P2RY8: variants seen among roughly 807,000 people sequenced by gnomAD.
P2RY8 encodes the protein S-geranylgeranyl-glutathione receptor P2RY8.
In P2RY8, 6 loss-of-function variants were observed where a neutral mutation model predicts 10.0. The observed-to-expected ratio is 0.60, with a 90% CI of 0.33 to 1.19. The LOEUF is 1.19. P2RY8 is among the 50% of genes most tolerant of loss of function. P2RY8 has a pLI of 0.04. For missense variants in P2RY8, 456 were observed against 542.0 expected, an observed-to-expected ratio of 0.84 and a Z score of 1.58; for synonymous variants, 276 against 252.5, an observed-to-expected ratio of 1.09 and a Z score of -0.88.
chrX:1,486,264 C>T lies in P2RY8; in HGVS notation c.-24-19682G>A, dbSNP rs187762478. On this transcript the variant is annotated intron_variant, in intron 1 of 1. Transcript: ENST00000381297. ...GCACCCATAAAAACTTGCATATGAACGTTCCCTGCAGCACTCTTCACAACA... is the reference window on the plus strand; with the variant it reads ...GCACCCATAAAAACTTGCATATGAATGTTCCCTGCAGCACTCTTCACAACA... Among the ~76,000 whole-genome samples the T allele has an allele frequency of 7.9e-5, 12 of 152,170 alleles. No individual in the cohort carries two copies. In the East Asian group the frequency reaches 9.6e-4, roughly 12 times the overall value.
intron 1 of P2RY8, among the ~76,000 whole-genome samples, chrX:1,478,492 T>A (rs2091901395): frequency 6.6e-6 from 1 of 151,910 alleles, no homozygotes; most frequent in African/African-American, 2.4e-5. Context: ...TTTATTTATT[T>A]TTTTGAGACA....
chrX:1,507,378 C>G (rs4073116), intron 1 of P2RY8, among the ~76,000 whole-genome samples: 47,635 of 151,854 alleles, frequency 0.31, 8,904 homozygotes, highest in Middle Eastern at 0.54. Flanking sequence ...CTTCCTGAGT[C>G]CTGGAAATAG....
intron 1 of P2RY8, among the ~76,000 whole-genome samples, chrX:1,536,710 G>T (rs1305100269): frequency 6.6e-6 from 1 of 152,162 alleles, no homozygotes; most frequent in Non-Finnish European, 1.5e-5. Context: ...TGGAAAATTT[G>T]AGCATTTCTC....
In P2RY8 at chrX:1,465,319, G is replaced by A; in HGVS notation, c.*160C>T. The A allele has an allele frequency of 8.2e-7, 1 of 1,220,230 alleles. No homozygotes were observed. Among genetic ancestry groups the A allele is most frequent in the Non-Finnish European group, 1.1e-6 (1 of 897,498 alleles). 75.6% of individuals were successfully genotyped at this position (1,220,230 alleles called of 1,614,324 possible). On this transcript the variant is annotated 3_prime_UTR_variant, in exon 2 of 2. Coordinates refer to ENST00000381297, the MANE Select transcript of P2RY8 (RefSeq NM_178129.5). ...CCTTCCTCACCGGTGCCTCTGCAGT[G>A]CCTGGGAGGAATAAAGCCTGGAGAC...
chrX:1,466,338 C>G lies in P2RY8; in HGVS notation c.221G>C (p.Ser74Thr). 6.2e-7 allele frequency: 1 copy of G among 1,613,858 alleles called. No homozygotes were observed. Among genetic ancestry groups the G allele is most frequent in the East Asian group, 2.2e-5 (1 of 44,884 alleles). ...NLSVTDLMLASVLPFQIYYHC... is the reference protein window; with the variant it reads ...NLSVTDLMLATVLPFQIYYHC... ...GTAGTAGATTTGGAAAGGCAACACG[C>G]TGGCCAGCATCAGGTCCGTGACGCT... Residue 74 changes from serine (S) to threonine (T), a missense_variant, in exon 2 of 2, where the codon AGC becomes ACC. Coordinates refer to ENST00000381297, the MANE Select transcript of P2RY8 (RefSeq NM_178129.5).
At chrX:1,471,445 C>T (rs1455552076) in intron 1 of P2RY8, among the ~76,000 whole-genome samples, 15 of 143,640 alleles carry the variant, frequency 1.0e-4, no homozygotes, top group Non-Finnish European at 1.7e-4. Flanking sequence ...ATTACAGGCA[C>T]GAGCCATCAC....
intron 1 of P2RY8, among the ~76,000 whole-genome samples, chrX:1,481,535 G>A (rs1489000739): frequency 2.0e-4 from 30 of 152,058 alleles, no homozygotes; most frequent in Non-Finnish European, 3.1e-4. Flanking sequence ...CCCAGCTTTG[G>A]GTTTAAGGAG....
At chrX:1,535,569 A>G (rs1267985459) in intron 1 of P2RY8, among the ~76,000 whole-genome samples, 1 of 151,894 alleles carries the variant, frequency 6.6e-6, no homozygotes, top group Admixed American at 6.6e-5. Context: ...GAGAGATTGA[A>G]CGGCGCAGTC....
rs777556134 is a variant in P2RY8 at position 1,496,459 on chromosome X, C to T, written c.-24-29877G>A. On this transcript the variant is annotated intron_variant, in intron 1 of 1. Transcript: ENST00000381297. ...ACTCCCTGGGATCCTGCCCTCTGCC[C>T]TCTCAGAGGGTTTCTCTCTCTCTCC... 1.1e-4 allele frequency among the ~76,000 whole-genome samples: 17 copies of T among 152,260 alleles called. No homozygotes were observed. In the East Asian group the frequency reaches 3.1e-3, roughly 28 times the overall value.
At chrX:1,501,466 A>G (rs1303088690) in intron 1 of P2RY8, among the ~76,000 whole-genome samples, 3 of 151,942 alleles carry the variant, frequency 2.0e-5, no homozygotes, top group Non-Finnish European at 4.4e-5. Flanking sequence ...GCCTGAACCG[A>G]TCCTCCCACC....
chrX:1,491,972 C>A (rs760682857), intron 1 of P2RY8, among the ~76,000 whole-genome samples: 40 of 152,298 alleles, frequency 2.6e-4, no homozygotes, highest in Non-Finnish European at 5.3e-4. Flanking sequence ...GCAGTGTGGA[C>A]GTTAGCCCCA....
Position 1,519,079 on chromosome X carries a change from A to G in P2RY8, c.-25+17842T>C, listed in dbSNP as rs779776426. Among the ~76,000 whole-genome samples, 5 of 151,286 alleles carry G rather than the reference A, an allele frequency of 3.3e-5. No homozygotes were observed. The East Asian group carries it at 9.8e-4, about 30-fold the overall frequency. ...GATCCCCAATATTCCTCTGGTCCCC[A>G]ATAATCTTTCGGCTCCCCAATATTC... On this transcript the variant is annotated intron_variant, in intron 1 of 1. Coordinates refer to ENST00000381297, the MANE Select transcript of P2RY8 (RefSeq NM_178129.5).
intron 1 of P2RY8, among the ~76,000 whole-genome samples, chrX:1,516,041 C>T (rs1382297656): frequency 2.0e-5 from 2 of 100,466 alleles, no homozygotes. Flanking sequence ...AAAAAAAATA[C>T]TAAAAATTAG....
At chrX:1,533,568 T>A (rs9786483) in intron 1 of P2RY8, among the ~76,000 whole-genome samples, 47 of 4,362 alleles carry the variant, frequency 0.011, no homozygotes, top group South Asian at 0.067. Context: ...ATATATTTAT[T>A]ATTTAAATAT....
intron 1 of P2RY8, among the ~76,000 whole-genome samples, chrX:1,488,411 C>T (rs1463739129): frequency 6.6e-6 from 1 of 152,196 alleles, no homozygotes; most frequent in Non-Finnish European, 1.5e-5. Flanking sequence ...CTGCAGAAAG[C>T]TGTGTCCCCA....
intron 1 of P2RY8, among the ~76,000 whole-genome samples, chrX:1,508,685 C>CCATT (rs2092257190): frequency 2.4e-5 from 2 of 83,956 alleles, no homozygotes; most frequent in Admixed American, 2.3e-4. Flanking sequence ...TATCCATCAT[C>CCATT]CATCCATCCA....
intron 1 of P2RY8, 29 bp from the exon 2 acceptor site, chrX:1,466,611 G>A: frequency 6.5e-7 from 1 of 1,544,184 alleles, no homozygotes; most frequent in Non-Finnish European, 8.7e-7. Flanking sequence ...AGGGTGTACG[G>A]GTCAGGGGCG....
At chrX:1,509,099 G>GTATCTATCTATGTATCTATC (rs2092266848) in intron 1 of P2RY8, among the ~76,000 whole-genome samples, 31 of 138,312 alleles carry the variant, frequency 2.2e-4, no homozygotes, top group African/African-American at 4.2e-4. Context: ...ATGTATCTAT[G>GTATCTATCTATGTATCTATC]TATCTATCTA....
chrX:1,466,064 G>A lies in P2RY8; in HGVS notation c.495C>T (p.Tyr165=), dbSNP rs758214631. ...TGATGATGCCCAGGGCGTGCACCGG[G>A]TAGGTGAGATCGGTGCGCGCCAGCG... ...LSPLARTDLT[Y]PVHALGIITC... is the part of the protein sequence containing the mutation. Residue 165 remains tyrosine, a synonymous_variant, in exon 2 of 2, where the codon TAC becomes TAT. Transcript: ENST00000381297. 14 of 1,611,848 alleles carry A rather than the reference G, an allele frequency of 8.7e-6. No homozygotes were observed. The Admixed American group carries it at 2.0e-4, about 23-fold the overall frequency.
Sources: gnomAD v4.1 joint callset for allele counts (sites outside exome capture counted in the v4.1 genomes callset) on GRCh38, gnomAD v4.1.1 for gene constraint, MANE v1.5 for transcripts, NCBI Gene and HGNC (gene_info 2026-07-23, HGNC 2026-07-21) for gene names.